Variants in KLRG1 observed in about 807,000 individuals in gnomAD.
The protein encoded by KLRG1 is killer cell lectin-like receptor subfamily G member 1.
Under a neutral mutation model 21.8 loss-of-function variants are expected in KLRG1, and 16 were observed. That is an observed-to-expected ratio of 0.73 (90% CI 0.50 to 1.11). KLRG1 has a LOEUF of 1.11. KLRG1 is among the 50% of genes most tolerant of loss of function. The probability of loss-of-function intolerance (pLI) is 0.00; values close to 1 mark genes in which losing one functional copy is unlikely to be tolerated. For missense variants in KLRG1, 173 were observed against 218.3 expected (o/e 0.79, Z 1.31); for synonymous variants, 69 against 75.9 (o/e 0.91, Z 0.47).
At chr12:9,123,163 T>C in the KLRG1 span, among the ~76,000 whole-genome samples, 1 of 152,230 alleles carries the variant, frequency 6.6e-6, no homozygotes, top group African/African-American at 2.4e-5. Context: ...TAATCTTGTA[T>C]ATAGTAGTTC....
chr12:9,119,138 A>G, the KLRG1 span, among the ~76,000 whole-genome samples: 1 of 152,216 alleles, frequency 6.6e-6, no homozygotes, highest in Non-Finnish European at 1.5e-5. Context: ...CAAGGCATCA[A>G]TGTTAATAGC....
the KLRG1 span, chr12:9,196,649 T>C: frequency 2.5e-6 from 4 of 1,613,604 alleles, no homozygotes; most frequent in African/African-American, 1.3e-5. Context: ...AGCATTTTGG[T>C]GTGTACTTGT....
chr12:9,119,444 G>A, the KLRG1 span, among the ~76,000 whole-genome samples: 5 of 152,168 alleles, frequency 3.3e-5, no homozygotes, highest in East Asian at 9.7e-4. Flanking sequence ...TTAAGGACAA[G>A]GACATTGGGA....
the KLRG1 span, among the ~76,000 whole-genome samples, chr12:9,097,092 C>T: frequency 6.6e-6 from 1 of 152,260 alleles, no homozygotes; most frequent in East Asian, 1.9e-4. Context: ...ATCTACCCAT[C>T]AGGGTTGTTA....
At chr12:9,202,249 C>A in the KLRG1 span, 30 of 1,354,062 alleles carry the variant, frequency 2.2e-5, no homozygotes, top group African/African-American at 3.7e-4. Context: ...TTTCTTGTAC[C>A]TTTCTACCTC....
chr12:9,127,228 A>C, the KLRG1 span, among the ~76,000 whole-genome samples: 3 of 152,188 alleles, frequency 2.0e-5, no homozygotes, highest in African/African-American at 7.2e-5. Flanking sequence ...GAATAATGCC[A>C]GGGAACGGCC....
At chr12:9,194,572 C>G in the KLRG1 span, among the ~76,000 whole-genome samples, 6 of 148,652 alleles carry the variant, frequency 4.0e-5, no homozygotes, top group African/African-American at 1.5e-4. Flanking sequence ...TCACGCCATT[C>G]TCCTGCCTCA....
chr12:8,968,522 T>C (rs1946516654), intron 1 of KLRG1, among the ~76,000 whole-genome samples: 1 of 152,214 alleles, frequency 6.6e-6, no homozygotes. Flanking sequence ...TCCATAATTA[T>C]AGTTGGAGGT....
chr12:8,955,911 C>G (rs186249810), intron 1 of KLRG1, among the ~76,000 whole-genome samples: 16 of 152,140 alleles, frequency 1.1e-4, no homozygotes, highest in African/African-American at 3.6e-4. Context: ...AGAACTCCCG[C>G]AATGCCTTTT....
the KLRG1 span, among the ~76,000 whole-genome samples, chr12:9,099,940 C>T: frequency 6.6e-6 from 1 of 152,200 alleles, no homozygotes; most frequent in Non-Finnish European, 1.5e-5. Context: ...CACCATGCTC[C>T]TTCAGAAGTT....
the KLRG1 span, among the ~76,000 whole-genome samples, chr12:9,209,429 TTA>T: frequency 4.0e-3 from 605 of 151,268 alleles, 5 homozygotes; most frequent in African/African-American, 0.014. Context: ...TTATGAAATG[TTA>T]TATATATATA....
the KLRG1 span, among the ~76,000 whole-genome samples, chr12:9,121,451 G>T: frequency 6.6e-6 from 1 of 152,098 alleles, no homozygotes; most frequent in South Asian, 2.1e-4. The surrounding 1 kb of genome is among the most constrained non-coding windows in gnomAD (Gnocchi z 4.4). Context: ...TGATGCACGA[G>T]AATCGCTTAA....
the KLRG1 span, chr12:9,058,945 T>C: frequency 1.3e-5 from 2 of 152,502 alleles, no homozygotes; most frequent in Non-Finnish European, 2.9e-5. Flanking sequence ...AAGAGACAAA[T>C]AGACTATGAG....
the KLRG1 span, among the ~76,000 whole-genome samples, chr12:9,100,210 G>A: frequency 6.6e-6 from 1 of 151,952 alleles, no homozygotes; most frequent in Admixed American, 6.6e-5. Flanking sequence ...TCTTGAAAGG[G>A]AAAAAAGATA....
chr12:9,066,564 G>C, the KLRG1 span: 1 of 152,476 alleles, frequency 6.6e-6, no homozygotes, highest in Non-Finnish European at 1.5e-5. Flanking sequence ...GATCCAGGTT[G>C]GTAGCAAGTG....
chr12:9,160,381 G>A, the KLRG1 span: 4 of 1,614,154 alleles, frequency 2.5e-6, no homozygotes, highest in East Asian at 4.5e-5. Flanking sequence ...CATTCAGATA[G>A]TTCAAGACAT....
chr12:9,168,808 A>G, the KLRG1 span: 17 of 1,279,368 alleles, frequency 1.3e-5, no homozygotes, highest in Non-Finnish European at 1.9e-5. Context: ...TCATTTTAGC[A>G]TTTTGGGCAT....
chr12:9,009,561 C>G lies in KLRG1; in HGVS notation c.*24C>G. On this transcript the variant is annotated 3_prime_UTR_variant, in exon 5 of 5. Coordinates refer to ENST00000356986, the MANE Select transcript of KLRG1 (RefSeq NM_005810.4). ...GATAGATGACCACTCTGTCCTGACC[C>G]TCAGATCTGTCATGTATCCCTAAAA... is the stretch of plus-strand genomic sequence containing the variant. The G allele has an allele frequency of 1.2e-6, 2 of 1,612,518 alleles. No individual in the cohort carries two copies. Among genetic ancestry groups the G allele is most frequent in the Non-Finnish European group, 1.7e-6 (2 of 1,179,242 alleles).
At chr12:9,139,065 C>T in the KLRG1 span, among the ~76,000 whole-genome samples, 1 of 151,932 alleles carries the variant, frequency 6.6e-6, no homozygotes, top group Non-Finnish European at 1.5e-5. Flanking sequence ...AGGTATTTAT[C>T]ACAGTAAACC....
Sources: gnomAD v4.1 joint callset for allele counts (sites outside exome capture counted in the v4.1 genomes callset) on GRCh38, gnomAD v4.1.1 for gene constraint, Gnocchi (gnomAD v3.1) non-coding constraint, MANE v1.5 for transcripts, NCBI Gene and HGNC (gene_info 2026-07-23, HGNC 2026-07-21) for gene names.